Variants in GALNT13 observed in about 807,000 individuals in gnomAD.
GALNT13 encodes polypeptide N-acetylgalactosaminyltransferase 13.
In GALNT13, 28 loss-of-function variants were observed where a neutral mutation model predicts 64.2. The ratio of observed to expected loss-of-function variants is 0.44; its 90% confidence interval spans 0.32 to 0.60. The LOEUF is 0.60. Ranked by LOEUF, GALNT13 falls within the 20% of genes least tolerant of loss-of-function variation. The pLI is 0.05. For synonymous variants in GALNT13, 214 were observed against 224.6 expected, an observed-to-expected ratio of 0.95 and a Z score of 0.42; for missense variants, 577 against 669.8, an observed-to-expected ratio of 0.86 and a Z score of 1.53.
intron 2 of GALNT13, among the ~76,000 whole-genome samples, chr2:153,935,140 C>G (rs1690810063): frequency 6.6e-6 from 1 of 152,184 alleles, no homozygotes; most frequent in African/African-American, 2.4e-5. Context: ...TGGTCCGGGA[C>G]TCAGTCACTG....
intron 4 of GALNT13, among the ~76,000 whole-genome samples, chr2:154,183,483 G>A (rs980669215): frequency 2.0e-5 from 3 of 152,054 alleles, no homozygotes; most frequent in African/African-American, 4.8e-5. Context: ...AGGCTGAGGC[G>A]GTTGATTGCT....
At chr2:153,652,498 C>G in the GALNT13 span, among the ~76,000 whole-genome samples, 4 of 152,094 alleles carry the variant, frequency 2.6e-5, no homozygotes, top group South Asian at 4.2e-4. Flanking sequence ...GCCTGTAAGC[C>G]CAGCTACTCT....
At chr2:153,797,758 G>A in the GALNT13 span, among the ~76,000 whole-genome samples, 2 of 152,284 alleles carry the variant, frequency 1.3e-5, no homozygotes, top group South Asian at 4.1e-4. Flanking sequence ...ATAAAGACAG[G>A]CAGTGCAGAA....
the GALNT13 span, among the ~76,000 whole-genome samples, chr2:153,542,172 T>C: frequency 6.6e-6 from 1 of 151,818 alleles, no homozygotes; most frequent in Non-Finnish European, 1.5e-5. Flanking sequence ...ACAAAAAAAT[T>C]AGCCAGTCGT....
the GALNT13 span, among the ~76,000 whole-genome samples, chr2:153,630,710 G>T: frequency 8.4e-6 from 1 of 118,688 alleles, no homozygotes; most frequent in Admixed American, 9.1e-5. Context: ...ATTCAAGATG[G>T]ATTAAAGAAT....
the GALNT13 span, among the ~76,000 whole-genome samples, chr2:153,186,293 T>C: frequency 7.2e-5 from 11 of 152,300 alleles, no homozygotes; most frequent in South Asian, 1.9e-3. Flanking sequence ...TGCTTTTTTT[T>C]CCCATTTGCT....
At chr2:153,593,385 TG>T in the GALNT13 span, 2 of 152,234 alleles carry the variant, frequency 1.3e-5, no homozygotes, top group Non-Finnish European at 2.9e-5. Context: ...TCCAGTGAGC[TG>T]GGAATCTCAC....
the GALNT13 span, among the ~76,000 whole-genome samples, chr2:153,257,071 T>A: frequency 5.3e-5 from 8 of 152,228 alleles, no homozygotes; most frequent in Non-Finnish European, 1.0e-4. Context: ...CCTTGCAATT[T>A]GATCTCAGAC....
At chr2:153,603,533 A>G in the GALNT13 span, among the ~76,000 whole-genome samples, 1 of 151,978 alleles carries the variant, frequency 6.6e-6, no homozygotes, top group African/African-American at 2.4e-5. Context: ...GTTGGAGTAG[A>G]TGGGACCATA....
chr2:154,095,820 A>C (rs183285563), intron 3 of GALNT13, among the ~76,000 whole-genome samples: 1 of 151,918 alleles, frequency 6.6e-6, no homozygotes, highest in African/African-American at 2.4e-5. Context: ...ATTTTGTCCT[A>C]TGTTAAAGAT....
chr2:153,557,060 A>G, the GALNT13 span, among the ~76,000 whole-genome samples: 2 of 152,046 alleles, frequency 1.3e-5, no homozygotes, highest in East Asian at 1.9e-4. Flanking sequence ...AATTACAGTC[A>G]TGCACCACAT....
the GALNT13 span, among the ~76,000 whole-genome samples, chr2:153,143,877 T>C: frequency 2.6e-5 from 4 of 152,044 alleles, no homozygotes; most frequent in African/African-American, 7.2e-5. Context: ...TTAAAAGCTT[T>C]TCAAGTATTT....
chr2:153,945,383 T>G (rs1286615663), intron 3 of GALNT13, among the ~76,000 whole-genome samples: 1 of 152,170 alleles, frequency 6.6e-6, no homozygotes, highest in African/African-American at 2.4e-5. Context: ...TTCTAATGTA[T>G]TCCTAGAAAA....
intron 12 of GALNT13, chr2:154,445,813 G>A: frequency 7.8e-7 from 1 of 1,288,328 alleles, no homozygotes; most frequent in Non-Finnish European, 1.0e-6. Context: ...CTTACTTAGT[G>A]TCTCCCAAGG....
intron 2 of GALNT13, among the ~76,000 whole-genome samples, chr2:153,907,121 A>G (rs1347302744): frequency 1.3e-5 from 2 of 151,516 alleles, no homozygotes; most frequent in African/African-American, 2.4e-5. Context: ...AATTTGTTTG[A>G]GTTCATTGTA....
chr2:153,833,808 C>T, the GALNT13 span, among the ~76,000 whole-genome samples: 47 of 152,074 alleles, frequency 3.1e-4, no homozygotes, highest in Non-Finnish European at 5.1e-4. Context: ...GTAAAATCAA[C>T]TCTCCAGGTA....
the GALNT13 span, among the ~76,000 whole-genome samples, chr2:153,615,463 A>G: frequency 1.3e-5 from 2 of 152,080 alleles, no homozygotes; most frequent in Non-Finnish European, 2.9e-5. Context: ...TGCTCTCTAT[A>G]GAAGTTATAC....
the GALNT13 span, among the ~76,000 whole-genome samples, chr2:153,490,981 T>C: frequency 6.7e-6 from 1 of 150,082 alleles, no homozygotes; most frequent in Non-Finnish European, 1.5e-5. Flanking sequence ...AAAAAAATTA[T>C]AAAGGAATAT....
the GALNT13 span, among the ~76,000 whole-genome samples, chr2:153,338,768 C>T: frequency 1.4e-3 from 208 of 152,306 alleles, no homozygotes; most frequent in Non-Finnish European, 2.5e-3. Context: ...TGACCAACAT[C>T]TCCTTAATCC....
Sources: allele counts gnomAD v4.1 joint callset (sites outside exome capture counted in the v4.1 genomes callset), GRCh38; gene constraint gnomAD v4.1.1; transcripts MANE v1.5; gene names NCBI Gene and HGNC (gene_info 2026-07-23, HGNC 2026-07-21).